The following PTPRQ variants were observed in gnomAD, a reference collection of about 807,000 sequenced individuals.
The protein encoded by PTPRQ is protein tyrosine phosphatase receptor type Q.
In PTPRQ, 199 loss-of-function variants were observed where a neutral mutation model predicts 246.0. The ratio of observed to expected loss-of-function variants is 0.81; its 90% CI spans 0.72 to 0.91. PTPRQ has a LOEUF of 0.91. PTPRQ is among the 40% of genes least tolerant of loss of function. PTPRQ has a pLI of 0.00. For synonymous variants in PTPRQ, 869 were observed against 853.2 expected, an observed-to-expected ratio of 1.02 and a Z score of -0.32; for missense variants, 2,624 against 2,528.4, an observed-to-expected ratio of 1.04 and a Z score of -0.81.
At chr12:80,466,436 G>T (rs1592540381) in intron 6 of PTPRQ, among the ~76,000 whole-genome samples, 1 of 152,136 alleles carries the variant, frequency 6.6e-6, no homozygotes. Flanking sequence ...ACTGCCCAAG[G>T]TAATTTATAG....
rs577947145 is a variant in PTPRQ, at chr12:80,655,606, A to T, written c.6116-2379A>T. On this transcript the variant is annotated intron_variant, in intron 38 of 44. Transcript: ENST00000644991. ...CTCTCTCTCTGTCTCTCTCTCTCTCACACACACACACCCATACACACTCTC... is the reference window on the plus strand; with the variant it reads ...CTCTCTCTCTGTCTCTCTCTCTCTCTCACACACACACCCATACACACTCTC... Among the ~76,000 whole-genome samples, 753 of 151,110 alleles carry T rather than the reference A, an allele frequency of 5.0e-3. 3 individuals are homozygous for T. The highest frequency in any genetic ancestry group is 0.034 in the Middle Eastern group (10 of 294).
At chr12:80,643,252 A>T (rs1208903407) in intron 35 of PTPRQ, among the ~76,000 whole-genome samples, 1 of 152,132 alleles carries the variant, frequency 6.6e-6, no homozygotes, top group Non-Finnish European at 1.5e-5. Flanking sequence ...AGCCTGGCCA[A>T]CATGGCAAAA....
chr12:80,505,919 T>C, intron 14 of PTPRQ, 105 bp from the exon 15 acceptor site: 1 of 1,225,128 alleles, frequency 8.2e-7, no homozygotes, highest in East Asian at 2.8e-5. Context: ...TACATTCTAG[T>C]GAAGGTTCAA....
chr12:80,534,944 A>T lies in PTPRQ; in HGVS notation c.2892A>T (p.Ser964=). ...ATTATGCAAACCTCAGTTCTTCATC[A>T]ATAATTCTTTTCTGGACACCTCCTT... is the stretch of plus-strand genomic sequence containing the variant. The part of the protein sequence containing the change: ...DVYYANLSSS[S]IILFWTPPSK... The change falls in exon 19 of 45, where the codon TCA becomes TCT. Residue 964 remains serine, a synonymous_variant. Coordinates refer to ENST00000644991, the MANE Select transcript of PTPRQ (RefSeq NM_001145026.2). 1 of 1,550,340 alleles carries T rather than the reference A, an allele frequency of 6.5e-7. No individual in the cohort carries two copies. Among genetic ancestry groups the T allele is most frequent in the Non-Finnish European group, 8.7e-7 (1 of 1,146,392 alleles).
chr12:80,582,184 T>C (rs943042064), intron 25 of PTPRQ, among the ~76,000 whole-genome samples: 3 of 152,196 alleles, frequency 2.0e-5, no homozygotes, highest in Non-Finnish European at 4.4e-5. Context: ...CATTTCAATG[T>C]GCTTACTCCA....
intron 25 of PTPRQ, among the ~76,000 whole-genome samples, chr12:80,557,189 T>C (rs566552167): frequency 4.6e-5 from 7 of 152,118 alleles, no homozygotes; most frequent in Non-Finnish European, 1.0e-4. Context: ...AAAGCCCTTC[T>C]TCTCAATCCA....
intron 9 of PTPRQ, among the ~76,000 whole-genome samples, chr12:80,492,784 G>A (rs988116384): frequency 6.6e-6 from 1 of 151,876 alleles, no homozygotes; most frequent in Non-Finnish European, 1.5e-5. Flanking sequence ...TTTTATTCTG[G>A]TATGTAACTT....
intron 26 of PTPRQ, among the ~76,000 whole-genome samples, chr12:80,592,107 G>A (rs1202338914): frequency 6.6e-6 from 1 of 151,890 alleles, no homozygotes; most frequent in African/African-American, 2.4e-5. Context: ...AAGTTCTATG[G>A]CCATATTTTA....
chr12:80,514,398 A>ACT (rs775868345), intron 17 of PTPRQ, among the ~76,000 whole-genome samples: 6,161 of 42,110 alleles, frequency 0.15, 141 homozygotes, highest in Non-Finnish European at 0.22. Flanking sequence ...ACACACACAC[A>ACT]CACACTCTCT....
chr12:80,649,546 C>T, intron 36 of PTPRQ, 42 bp from the exon 37 acceptor site: 2 of 1,540,240 alleles, frequency 1.3e-6, no homozygotes, highest in Non-Finnish European at 1.8e-6. Flanking sequence ...CGAACAAATA[C>T]AATCTAACAT....
intron 17 of PTPRQ, among the ~76,000 whole-genome samples, chr12:80,513,023 C>T (rs547561621): frequency 6.6e-6 from 1 of 152,034 alleles, no homozygotes; most frequent in Non-Finnish European, 1.5e-5. Context: ...ATGGCAGGGT[C>T]TAGGGGTGAA....
chr12:80,588,300 A>G lies in PTPRQ; in HGVS notation c.4457A>G (p.Gln1486Arg). 1 of 1,551,610 alleles carries G rather than the reference A, an allele frequency of 6.4e-7. No homozygotes were observed. Among genetic ancestry groups the G allele is most frequent in the Non-Finnish European group, 8.7e-7 (1 of 1,146,916 alleles). ...EWESEECVEY[Q>R]KIQYLYEAHL... ...GAATCCGAAGAATGTGTTGAATATC[A>G]AAAAATTCAATACCTCTATGAAGCT... is the stretch of plus-strand genomic sequence containing the variant. Residue 1486 changes from glutamine (Q) to arginine (R), a missense_variant, in exon 26 of 45, where the codon CAA (glutamine) becomes CGA (arginine). Transcript: ENST00000644991.
chr12:80,669,183 T>C, intron 40 of PTPRQ, 42 bp downstream of exon 40: 1 of 1,538,570 alleles, frequency 6.5e-7, no homozygotes, highest in Non-Finnish European at 8.8e-7. Flanking sequence ...GTTTTACGAT[T>C]GTGTTAACAT....
In PTPRQ at chr12:80,539,796, A is replaced by C. The variant is rs1343862851; in HGVS notation, c.3006A>C (p.Val1002=). ...TTCAGAATTTTACACTCCATGAAGT[A>C]ACCAATGACTTTGACAATATGACTG... ...TFMQNFTLHE[V]TNDFDNMTVS... is the part of the protein sequence containing the mutation. Residue 1002 remains valine, a synonymous_variant, in exon 20 of 45, where the codon GTA becomes GTC. Transcript: ENST00000644991. 1 of 1,546,478 alleles carries C rather than the reference A, an allele frequency of 6.5e-7. No individual in the cohort carries two copies. Among genetic ancestry groups the C allele is most frequent in the Admixed American group, 2.0e-5 (1 of 50,070 alleles).
At chr12:80,667,989 A>T (rs1900839584) in intron 39 of PTPRQ, among the ~76,000 whole-genome samples, 1 of 151,920 alleles carries the variant, frequency 6.6e-6, no homozygotes, top group African/African-American at 2.4e-5. Context: ...TTGTTCCTTA[A>T]AGTAAAATAA....
rs778520744 is a variant in PTPRQ at position 80,535,032 on chromosome 12, A to G, written c.2980A>G (p.Met994Val). ...VYYRNTSGTFMQNFTLHEVTN... is the reference protein window; with the variant it reads ...VYYRNTSGTFVQNFTLHEVTN... ...TTACAGAAATACTTCAGGTACTTTTATGCAGGTAAGAACTGAATTTTCTTC... is the reference window on the plus strand; with the variant it reads ...TTACAGAAATACTTCAGGTACTTTTGTGCAGGTAAGAACTGAATTTTCTTC... The change falls in exon 19 of 45, where the codon ATG becomes GTG. Residue 994 changes from methionine (M) to valine (V), a missense_variant. Coordinates refer to ENST00000644991, the MANE Select transcript of PTPRQ (RefSeq NM_001145026.2). 7 of 1,526,528 alleles carry G rather than the reference A, an allele frequency of 4.6e-6. No individual in the cohort carries two copies. In the Admixed American group the frequency reaches 8.9e-5, roughly 19 times the overall value. The allele number at this position is 1,526,528 out of a possible 1,614,324, so 94.6% of individuals were successfully genotyped here.
At chr12:80,483,543 G>A (rs1440989308) in intron 8 of PTPRQ, among the ~76,000 whole-genome samples, 1 of 151,136 alleles carries the variant, frequency 6.6e-6, no homozygotes, top group Non-Finnish European at 1.5e-5. Flanking sequence ...AGAAAAAAAA[G>A]AAATTTAGTA....
chr12:80,447,596 C>T (rs1445918173), intron 3 of PTPRQ, among the ~76,000 whole-genome samples: 1 of 151,978 alleles, frequency 6.6e-6, no homozygotes, highest in East Asian at 1.9e-4. Flanking sequence ...AGCTAAGGAT[C>T]CAGTTTCATT....
chr12:80,587,747 T>C (rs943201193), intron 25 of PTPRQ, among the ~76,000 whole-genome samples: 13 of 152,302 alleles, frequency 8.5e-5, no homozygotes, highest in African/African-American at 2.9e-4. Flanking sequence ...ACAAGTATCT[T>C]CCCTTGGAAC....
Sources: allele counts gnomAD v4.1 joint callset (sites outside exome capture counted in the v4.1 genomes callset), GRCh38; gene constraint gnomAD v4.1.1; transcripts MANE v1.5; gene names NCBI Gene and HGNC (gene_info 2026-07-23, HGNC 2026-07-21).